The following MTFR1 variants were observed in gnomAD, a reference collection of about 807,000 sequenced individuals.
The protein encoded by MTFR1 is mitochondrial fission regulator 1, also known as chondrocyte protein with a poly-proline region.
In MTFR1, 28 loss-of-function variants were observed where a neutral mutation model predicts 38.8. That is an observed-to-expected ratio of 0.72 (90% CI 0.53 to 0.99). The LOEUF is 0.99. Ranked by LOEUF, MTFR1 falls within the 50% of genes least tolerant of loss-of-function variation. The probability of loss-of-function intolerance (pLI) is 0.00; values close to 1 mark genes in which losing one functional copy is unlikely to be tolerated. For missense variants in MTFR1, 358 were observed against 395.5 expected (o/e 0.91, Z 0.81); for synonymous variants, 145 against 137.0 (o/e 1.06, Z -0.41).
intron 3 of MTFR1, among the ~76,000 whole-genome samples, chr8:65,693,230 A>G (rs1482705695): frequency 6.6e-6 from 1 of 152,126 alleles, no homozygotes; most frequent in East Asian, 1.9e-4. Context: ...GTGAAACCTC[A>G]TCTCTACTAA....
rs866333781 is a variant in MTFR1, at chr8:65,702,302, T to C, written c.282-2392T>C. 4.2e-3 allele frequency among the ~76,000 whole-genome samples: 623 copies of C among 146,836 alleles called. 4 individuals carry two copies. Among genetic ancestry groups the C allele is most frequent in the African/African-American group, 0.014 (581 of 40,098 alleles). ...TTTCTTTTCTTTCTTTCTTTCTTTT[T>C]TTTTTTTTTTTTTTTGAGACAGAGT... On this transcript the variant is annotated intron_variant, in intron 4 of 7. Transcript: ENST00000262146.
intron 3 of MTFR1, among the ~76,000 whole-genome samples, chr8:65,746,796 C>T (rs989812956): frequency 1.3e-5 from 2 of 152,082 alleles, no homozygotes; most frequent in African/African-American, 4.8e-5. Context: ...CAGGCATGAA[C>T]GCTTTCCACT....
chr8:65,700,655 C>T (rs1030058325), intron 4 of MTFR1, among the ~76,000 whole-genome samples: 1 of 152,128 alleles, frequency 6.6e-6, no homozygotes, highest in African/African-American at 2.4e-5. Flanking sequence ...CTTGGGACTC[C>T]CAAATCACTA....
At chr8:65,653,267 G>T (rs1187087002) in intron 1 of MTFR1, among the ~76,000 whole-genome samples, 1 of 152,172 alleles carries the variant, frequency 6.6e-6, no homozygotes, top group Non-Finnish European at 1.5e-5. Flanking sequence ...CCAGCACTTT[G>T]GGAGGCCGAG....
intron 1 of MTFR1, among the ~76,000 whole-genome samples, chr8:65,660,291 CA>C (rs1358969347): frequency 0.03 from 2,009 of 67,432 alleles, 32 homozygotes; most frequent in African/African-American, 0.097. Flanking sequence ...AACTCTGTCT[CA>C]AAAAAAAAAA....
intron 3 of MTFR1, among the ~76,000 whole-genome samples, chr8:65,765,869 T>C (rs1463574319): frequency 1.3e-5 from 2 of 152,272 alleles, no homozygotes; most frequent in East Asian, 1.9e-4. Flanking sequence ...GTATCTCTTA[T>C]ACGTTAAAAA....
chr8:65,709,287 C>A lies in MTFR1; in HGVS notation c.*243C>A. On this transcript the variant is annotated 3_prime_UTR_variant, in exon 8 of 8. Transcript: ENST00000262146. ...ACATGTTTCTAATATGTGGCCAGGGCGTTCAGATTTCCAGTTTTGAAAACA... is the reference window on the plus strand; with the variant it reads ...ACATGTTTCTAATATGTGGCCAGGGAGTTCAGATTTCCAGTTTTGAAAACA... The A allele has an allele frequency of 2.4e-6, 1 of 415,832 alleles. No individual in the cohort carries two copies. Among genetic ancestry groups the A allele is most frequent in the Non-Finnish European group, 4.3e-6 (1 of 230,448 alleles). 25.8% of individuals were successfully genotyped at this position (415,832 alleles called of 1,614,324 possible).
At chr8:65,741,249 T>C (rs1024868374) in intron 3 of MTFR1, among the ~76,000 whole-genome samples, 51 of 152,158 alleles carry the variant, frequency 3.4e-4, no homozygotes, top group African/African-American at 1.1e-3. Flanking sequence ...CATAGACTCA[T>C]AAATTACTGC....
intron 4 of MTFR1, among the ~76,000 whole-genome samples, chr8:65,704,248 A>G (rs1035839196): frequency 5.3e-5 from 8 of 152,234 alleles, no homozygotes; most frequent in African/African-American, 1.9e-4. Flanking sequence ...TCAAGATTAA[A>G]GAGTAATTTG....
At chr8:65,727,600 G>A (rs1296962737) in intron 3 of MTFR1, 4 of 235,344 alleles carry the variant, frequency 1.7e-5, no homozygotes, top group Admixed American at 1.7e-4. Context: ...AACATAAACC[G>A]TTCTTTTTGA....
At position 65,725,853 on chromosome 8, in the gene MTFR1, C is replaced by A. The variant is rs1216632418; in HGVS notation, c.*48+6372C>A. Among the ~76,000 whole-genome samples, 3 of 152,148 alleles carry A rather than the reference C, an allele frequency of 2.0e-5. No homozygotes were observed. The East Asian group carries it at 5.8e-4, about 29-fold the overall frequency. On this transcript the variant is annotated intron_variant, in intron 3 of 3. Transcript: ENST00000521247. ...GGAATAATGAAGCAAACATTTTAAT[C>A]TGTCTTAATTTTAAGAACCCATAAT...
At chr8:65,671,057 TC>T (rs1458627425) in intron 2 of MTFR1, among the ~76,000 whole-genome samples, 1 of 152,108 alleles carries the variant, frequency 6.6e-6, no homozygotes, top group Non-Finnish European at 1.5e-5. Context: ...ACTTTGAATC[TC>T]CCCAACTTCC....
At chr8:65,747,937 G>T (rs1050898016) in intron 3 of MTFR1, 5 of 488,912 alleles carry the variant, frequency 1.0e-5, no homozygotes, top group East Asian at 9.9e-5. Context: ...TTCCATGAAA[G>T]AAGTGATACT....
intron 2 of MTFR1, among the ~76,000 whole-genome samples, chr8:65,681,697 G>A (rs957136800): frequency 4.0e-5 from 6 of 149,272 alleles, no homozygotes; most frequent in African/African-American, 1.5e-4. Context: ...TGCTTTGAGG[G>A]TTTGTTTTTG....
At chr8:65,730,368 C>T (rs551165054) in intron 3 of MTFR1, among the ~76,000 whole-genome samples, 2 of 150,314 alleles carry the variant, frequency 1.3e-5, no homozygotes, top group Non-Finnish European at 3.0e-5. Flanking sequence ...TTAGTAGAGA[C>T]AGGGTTTCTC....
intron 3 of MTFR1, among the ~76,000 whole-genome samples, chr8:65,755,887 A>G (rs186699493): frequency 6.6e-6 from 1 of 152,286 alleles, no homozygotes; most frequent in Non-Finnish European, 1.5e-5. Context: ...CCTCCTGAGT[A>G]GCTAGGATTA....
At chr8:65,667,837 A>G (rs957430137) in intron 1 of MTFR1, among the ~76,000 whole-genome samples, 2 of 152,090 alleles carry the variant, frequency 1.3e-5, no homozygotes, top group African/African-American at 2.4e-5. Flanking sequence ...CTTTTTCCCA[A>G]TATAAGCTTT....
intron 3 of MTFR1, among the ~76,000 whole-genome samples, chr8:65,749,433 G>A (rs1807832467): frequency 6.6e-6 from 1 of 152,226 alleles, no homozygotes; most frequent in South Asian, 2.1e-4. Flanking sequence ...TGAGTAAAAT[G>A]CAAGTATCTA....
chr8:65,775,903 C>T (rs183225656), downstream of MTFR1, among the ~76,000 whole-genome samples: 11 of 152,276 alleles, frequency 7.2e-5, no homozygotes, highest in East Asian at 1.5e-3. Context: ...TGCTAGATTA[C>T]GGGCGTGAGC....
Sources: gnomAD v4.1 joint callset for allele counts (sites outside exome capture counted in the v4.1 genomes callset) on GRCh38, gnomAD v4.1.1 for gene constraint, MANE v1.5 for transcripts, NCBI Gene and HGNC (gene_info 2026-07-23, HGNC 2026-07-21) for gene names.